The following MAP4K4 variants were observed in gnomAD, a reference collection of about 807,000 sequenced individuals.
MAP4K4 encodes mitogen-activated protein kinase kinase kinase kinase 4.
Under a neutral mutation model 189.6 loss-of-function variants are expected in MAP4K4, and 38 were observed. The ratio of observed to expected loss-of-function variants is 0.20; its 90% CI spans 0.15 to 0.26. The LOEUF is 0.26. Among genes scored for constraint, MAP4K4 ranks in the 10% least tolerant of loss-of-function variants. The pLI is 1.00. For missense variants in MAP4K4, 1,054 were observed against 1,726.9 expected (o/e 0.61, Z 6.91); for synonymous variants, 610 against 624.3 (o/e 0.98, Z 0.34).
intron 2 of MAP4K4, among the ~76,000 whole-genome samples, chr2:101,717,950 T>C (rs1441289673): frequency 1.3e-5 from 2 of 151,834 alleles, no homozygotes; most frequent in African/African-American, 2.4e-5. Context: ...TGACTGTGTG[T>C]TATTAAAAAA....
At chr2:101,734,535 C>G (rs2059653171) in intron 2 of MAP4K4, among the ~76,000 whole-genome samples, 1 of 152,182 alleles carries the variant, frequency 6.6e-6, no homozygotes, top group South Asian at 2.1e-4. Context: ...ACCAGTTCAG[C>G]CATCATTAGT....
chr2:101,799,464 G>T (rs369116646), intron 3 of MAP4K4, among the ~76,000 whole-genome samples: 8 of 151,924 alleles, frequency 5.3e-5, no homozygotes, highest in Admixed American at 4.6e-4. Flanking sequence ...TTTTCTCCTT[G>T]TCTTTCTTCC....
At chr2:101,892,871 C>G (rs1406390538) in exon 33 of MAP4K4, 2 of 456,412 alleles carry the variant, frequency 4.4e-6, no homozygotes, top group South Asian at 3.1e-5. Flanking sequence ...AGGAAAGGAT[C>G]AGGACTCCAT....
chr2:101,802,527 C>T lies in MAP4K4; in HGVS notation c.180+11751C>T, dbSNP rs149234853. On this transcript the variant is annotated intron_variant, in intron 3 of 32. Coordinates refer to ENST00000324219, the Ensembl canonical transcript of MAP4K4. Reference sequence around the variant, plus strand: ...TTTCTCCACCCTGCTCGCCTGATCCCGCCCAGAGACCTGTCACTTGCTGTT... The same window carrying T: ...TTTCTCCACCCTGCTCGCCTGATCCTGCCCAGAGACCTGTCACTTGCTGTT... Among the ~76,000 whole-genome samples the T allele has an allele frequency of 2.6e-3, 403 of 152,216 alleles. 1 individual carries two copies. Among genetic ancestry groups the T allele is most frequent in the African/African-American group, 8.8e-3 (367 of 41,530 alleles).
At chr2:101,891,384 T>C (rs1036526376) in exon 33 of MAP4K4, 1 of 673,364 alleles carries the variant, frequency 1.5e-6, no homozygotes, top group African/African-American at 1.8e-5. Flanking sequence ...ATGTGTTGGG[T>C]TCTCTCCCCT....
At chr2:101,851,196 TTAAG>T (rs760797572) in intron 12 of MAP4K4, among the ~76,000 whole-genome samples, 2 of 152,226 alleles carry the variant, frequency 1.3e-5, no homozygotes, top group Non-Finnish European at 2.9e-5. Flanking sequence ...TTGGGAAAAT[TTAAG>T]TAATAAAATC....
Position 101,867,924 on chromosome 2 carries a change from T to C in MAP4K4, c.2455-105T>C, listed in dbSNP as rs377759276. 99 of 1,105,398 alleles carry C rather than the reference T, an allele frequency of 9.0e-5. No individual in the cohort carries two copies. The African/African-American group carries it at 1.3e-3, about 14-fold the overall frequency. 68.5% of individuals were successfully genotyped at this position (1,105,398 alleles called of 1,614,324 possible). ...GTTTTCATTTCCTGCTTGAACTGATTTCTGTACTTCTCCCTCTCCCCTTCT... is the reference window on the plus strand; with the variant it reads ...GTTTTCATTTCCTGCTTGAACTGATCTCTGTACTTCTCCCTCTCCCCTTCT... On this transcript the variant is annotated intron_variant, in intron 20 of 32. Transcript: ENST00000324219.
chr2:101,711,027 A>G (rs1449246337), intron 2 of MAP4K4, among the ~76,000 whole-genome samples: 2 of 152,180 alleles, frequency 1.3e-5, no homozygotes, highest in African/African-American at 2.4e-5. Flanking sequence ...GAACATTCTC[A>G]TATGGGTGAA....
chr2:101,887,719 T>TG, intron 30 of MAP4K4, 59 bp from the exon 31 acceptor site: 1 of 1,418,790 alleles, frequency 7.0e-7, no homozygotes, highest in Non-Finnish European at 9.6e-7. Context: ...ACTGAGCACT[T>TG]GCACAGGGCT....
chr2:101,850,289 G>A (rs1344630999), intron 12 of MAP4K4, among the ~76,000 whole-genome samples: 1 of 152,026 alleles, frequency 6.6e-6, no homozygotes, highest in African/African-American at 2.4e-5. Flanking sequence ...AGGGAAGCAA[G>A]AGGAAAAAAA....
At chr2:101,790,354 A>G (rs908684753) in intron 2 of MAP4K4, among the ~76,000 whole-genome samples, 5 of 152,078 alleles carry the variant, frequency 3.3e-5, no homozygotes, top group Non-Finnish European at 7.4e-5. Flanking sequence ...AGATAGTGTT[A>G]TGTAAATTAA....
chr2:101,870,207 T>G (rs770408401), intron 22 of MAP4K4, 88 bp from the exon 23 acceptor site: 60 of 1,386,696 alleles, frequency 4.3e-5, no homozygotes, highest in Non-Finnish European at 5.8e-5. Flanking sequence ...TCATCTCATG[T>G]TTTGATTTTG....
intron 2 of MAP4K4, among the ~76,000 whole-genome samples, chr2:101,769,589 C>CT (rs879873297): frequency 1.3e-3 from 194 of 145,050 alleles, no homozygotes; most frequent in Admixed American, 1.9e-3. Context: ...ATGTCTTTTT[C>CT]TTTTTTTTTT....
chr2:101,704,565 A>ATTTTT (rs1559014076), intron 2 of MAP4K4, among the ~76,000 whole-genome samples: 431 of 40,338 alleles, frequency 0.011, 16 homozygotes, highest in Middle Eastern at 0.022. Context: ...ATATATATAT[A>ATTTTT]TATTTTTTTT....
intron 6 of MAP4K4, among the ~76,000 whole-genome samples, chr2:101,830,982 G>A (rs1252488531): frequency 2.0e-5 from 3 of 152,264 alleles, no homozygotes; most frequent in Admixed American, 6.5e-5. Flanking sequence ...TCAGCATTTC[G>A]TAGGCCTTTT....
intron 2 of MAP4K4, among the ~76,000 whole-genome samples, chr2:101,725,983 T>TC (rs11397910): frequency 0.099 from 15,132 of 152,220 alleles, 2,143 homozygotes; most frequent in African/African-American, 0.32. Context: ...AGTGTTCTTA[T>TC]GAGTCTCCTG....
intron 20 of MAP4K4, chr2:101,867,658 G>T: frequency 2.9e-6 from 1 of 345,860 alleles, no homozygotes; most frequent in South Asian, 7.1e-5. Context: ...AGAAAGAAAA[G>T]CCTTTTTATC....
intron 2 of MAP4K4, among the ~76,000 whole-genome samples, chr2:101,728,130 A>G (rs760728862): frequency 2.6e-5 from 4 of 152,200 alleles, no homozygotes; most frequent in Admixed American, 6.5e-5. Flanking sequence ...TAATCTCCCT[A>G]TTTCCCAGTC....
At chr2:101,716,447 C>T (rs2048443540) in intron 2 of MAP4K4, among the ~76,000 whole-genome samples, 1 of 145,118 alleles carries the variant, frequency 6.9e-6, no homozygotes, top group South Asian at 2.1e-4. Context: ...TGTCTCAAAA[C>T]AAAAACAGAA....
Sources: gnomAD v4.1 joint callset for allele counts (sites outside exome capture counted in the v4.1 genomes callset) on GRCh38, gnomAD v4.1.1 for gene constraint, MANE v1.5 for transcripts, NCBI Gene and HGNC (gene_info 2026-07-23, HGNC 2026-07-21) for gene names.